Variants in PAN3 observed in about 807,000 individuals in gnomAD.
PAN3 encodes the protein poly(A) specific ribonuclease subunit PAN3.
A neutral mutation model predicts 96.2 loss-of-function variants in PAN3; 19 were observed. That is an observed-to-expected ratio of 0.20 (90% CI 0.14 to 0.29). The LOEUF (loss-of-function observed/expected upper bound fraction) is 0.29, where lower values mean the gene tolerates loss of function less well. PAN3 is among the 10% of genes least tolerant of loss of function. The pLI is 1.00. For synonymous variants in PAN3, 433 were observed against 406.6 expected (o/e 1.06, Z -0.78); for missense variants, 882 against 1,108.1 (o/e 0.80, Z 2.90).
intron 6 of PAN3, among the ~76,000 whole-genome samples, chr13:28,224,760 C>T (rs1174651763): frequency 6.6e-6 from 1 of 152,134 alleles, no homozygotes; most frequent in Non-Finnish European, 1.5e-5. Context: ...GTAGCTGGGA[C>T]TACAGATACA....
At chr13:28,269,120 C>T (rs1004154224) in intron 12 of PAN3, among the ~76,000 whole-genome samples, 1 of 152,156 alleles carries the variant, frequency 6.6e-6, no homozygotes, top group African/African-American at 2.4e-5. Flanking sequence ...ATAGTGGCCT[C>T]TTCTGACTGA....
chr13:28,192,733 G>C (rs887179955), intron 4 of PAN3, among the ~76,000 whole-genome samples: 1 of 152,140 alleles, frequency 6.6e-6, no homozygotes, highest in African/African-American at 2.4e-5. Flanking sequence ...CAAATACTTA[G>C]AACAGTTCCT....
chr13:28,148,728 T>C (rs117321535), intron 1 of PAN3, among the ~76,000 whole-genome samples: 1 of 152,214 alleles, frequency 6.6e-6, no homozygotes, highest in Non-Finnish European at 1.5e-5. Flanking sequence ...CACACATATA[T>C]ACACATATGC....
At chr13:28,167,414 G>GCCT (rs1873724395) in intron 1 of PAN3, among the ~76,000 whole-genome samples, 1 of 151,932 alleles carries the variant, frequency 6.6e-6, no homozygotes, top group Non-Finnish European at 1.5e-5. Flanking sequence ...GCCCACGTCG[G>GCCT]CCTCCTAAAG....
chr13:28,140,133 G>A (rs1423293709), intron 1 of PAN3, among the ~76,000 whole-genome samples: 2 of 152,120 alleles, frequency 1.3e-5, no homozygotes, highest in African/African-American at 2.4e-5. Flanking sequence ...AGTTTTAGTT[G>A]AGATAGTAGT....
At chr13:28,224,971 ATC>A (rs1201279755) in intron 6 of PAN3, among the ~76,000 whole-genome samples, 1 of 152,216 alleles carries the variant, frequency 6.6e-6, no homozygotes, top group African/African-American at 2.4e-5. Context: ...GGGGAGAATC[ATC>A]TAATTATTAT....
intron 6 of PAN3, among the ~76,000 whole-genome samples, chr13:28,227,740 A>C (rs1316984464): frequency 6.6e-6 from 1 of 152,228 alleles, no homozygotes; most frequent in African/African-American, 2.4e-5. Flanking sequence ...TAAAAAGGGA[A>C]GGATAACATT....
intron 9 of PAN3, among the ~76,000 whole-genome samples, chr13:28,265,017 A>G (rs901446680): frequency 3.3e-5 from 5 of 152,204 alleles, no homozygotes; most frequent in Admixed American, 2.6e-4. Flanking sequence ...CTTTAGGTTC[A>G]TTAGTACATA....
rs978722844 is a variant in PAN3, at chr13:28,262,858, A to G, written c.1411+1400A>G. ...TCAGTATGTAGGAATAAATAACAAC[A>G]AAAGATAGGTAAGATTTCAGCAGGG... On this transcript the variant is annotated intron_variant, in intron 9 of 18. Transcript: ENST00000380958. 2.0e-5 allele frequency among the ~76,000 whole-genome samples: 3 copies of G among 152,250 alleles called. No homozygotes were observed. In the South Asian group the frequency reaches 6.2e-4, roughly 31 times the overall value.
chr13:28,150,425 A>T (rs1871221397), intron 1 of PAN3, among the ~76,000 whole-genome samples: 1 of 152,094 alleles, frequency 6.6e-6, no homozygotes, highest in Admixed American at 6.6e-5. Flanking sequence ...GGAGATCGAG[A>T]CCATCCTGGC....
chr13:28,210,523 C>G (rs1253304125), intron 5 of PAN3, among the ~76,000 whole-genome samples: 2 of 151,998 alleles, frequency 1.3e-5, no homozygotes, highest in Non-Finnish European at 1.5e-5. Context: ...AATCGGAGGG[C>G]TTAGTTTGCT....
chr13:28,293,445 C>T lies in PAN3; in HGVS notation c.*923C>T, dbSNP rs1870013266. On this transcript the variant is annotated 3_prime_UTR_variant, in exon 19 of 19. Coordinates refer to ENST00000380958, the MANE Select transcript of PAN3 (RefSeq NM_175854.8). ...CGGGGGGGAGGTTTATGAAGTTTTGCTCTTTGAACCACAGCTTTATTATGG... is the reference window on the plus strand; with the variant it reads ...CGGGGGGGAGGTTTATGAAGTTTTGTTCTTTGAACCACAGCTTTATTATGG... 2 of 53,198 alleles carry T rather than the reference C, an allele frequency of 3.8e-5. No individual in the cohort carries two copies. Among genetic ancestry groups the T allele is most frequent in the Non-Finnish European group, 6.9e-5 (2 of 28,944 alleles). The allele number at this position is 53,198 out of a possible 1,614,324, so 3.3% of individuals were successfully genotyped here.
At chr13:28,189,896 CT>C (rs1257212773) in intron 4 of PAN3, among the ~76,000 whole-genome samples, 3 of 152,092 alleles carry the variant, frequency 2.0e-5, no homozygotes, top group Admixed American at 6.6e-5. Flanking sequence ...ATTTTCAAAC[CT>C]TTTCTTCTTG....
chr13:28,178,635 G>A (rs1875365286), intron 4 of PAN3, among the ~76,000 whole-genome samples: 1 of 152,014 alleles, frequency 6.6e-6, no homozygotes, highest in South Asian at 2.1e-4. Context: ...TTATTATAAA[G>A]TTATAACATT....
At chr13:28,162,779 G>T (rs1310398838) in intron 1 of PAN3, among the ~76,000 whole-genome samples, 1 of 151,424 alleles carries the variant, frequency 6.6e-6, no homozygotes, top group African/African-American at 2.4e-5. Flanking sequence ...AGGAGTTTGA[G>T]GCTGCAGTGA....
Position 28,267,294 on chromosome 13 carries a change from T to C in PAN3, c.1691-6T>C, listed in dbSNP as rs1593601244. 6.2e-7 allele frequency: 1 copy of C among 1,613,708 alleles called. No individual in the cohort carries two copies. The highest frequency in any genetic ancestry group is 2.2e-5 in the East Asian group (1 of 44,842). On this transcript the variant is annotated splice_region_variant and splice_polypyrimidine_tract_variant and intron_variant, in intron 11 of 18. Transcript: ENST00000380958. ...TCAGTAATGAGTGTTTGTGTTTTATTTTAAGCTCTTGTGTTTGCATATGAT... is the reference window on the plus strand; with the variant it reads ...TCAGTAATGAGTGTTTGTGTTTTATCTTAAGCTCTTGTGTTTGCATATGAT...
intron 5 of PAN3, among the ~76,000 whole-genome samples, chr13:28,203,993 G>A (rs948051636): frequency 3.3e-5 from 5 of 151,818 alleles, no homozygotes; most frequent in African/African-American, 9.7e-5. Flanking sequence ...AATAGAAATG[G>A]GGTTTCACCG....
At chr13:28,195,434 C>G (rs1215098803) in intron 4 of PAN3, among the ~76,000 whole-genome samples, 3 of 152,104 alleles carry the variant, frequency 2.0e-5, no homozygotes, top group Non-Finnish European at 4.4e-5. Flanking sequence ...ACTCTGTCCA[C>G]TGCCATAATT....
intron 6 of PAN3, among the ~76,000 whole-genome samples, chr13:28,233,048 G>A (rs1454840157): frequency 1.3e-5 from 2 of 151,996 alleles, no homozygotes; most frequent in East Asian, 3.9e-4. Flanking sequence ...TATCCAGCAT[G>A]CAGATTGTTA....
Sources: gnomAD v4.1 joint callset for allele counts (sites outside exome capture counted in the v4.1 genomes callset) on GRCh38, gnomAD v4.1.1 for gene constraint, MANE v1.5 for transcripts, NCBI Gene and HGNC (gene_info 2026-07-23, HGNC 2026-07-21) for gene names.